The following HPSE2 variants were observed in gnomAD, a reference collection of about 807,000 sequenced individuals.
The protein encoded by HPSE2 is heparanase 2 (inactive).
In HPSE2, 38 loss-of-function variants were observed where a neutral mutation model predicts 60.5. That is an observed-to-expected ratio of 0.63 (90% CI 0.48 to 0.82). The LOEUF (loss-of-function observed/expected upper bound fraction) is 0.82, where lower values mean the gene tolerates loss of function less well. HPSE2 is among the 40% of genes least tolerant of loss of function. The probability of loss-of-function intolerance (pLI) is 0.00; values close to 1 mark genes in which losing one functional copy is unlikely to be tolerated. For synonymous variants in HPSE2, 295 were observed against 293.2 expected (o/e 1.01, Z -0.06); for missense variants, 713 against 740.4 (o/e 0.96, Z 0.43).
At chr10:99,314,375 C>A in the HPSE2 span, among the ~76,000 whole-genome samples, 1 of 151,966 alleles carries the variant, frequency 6.6e-6, no homozygotes, top group Non-Finnish European at 1.5e-5. Flanking sequence ...ATTGCCCAGG[C>A]TGGTCTTGAA....
intron 3 of HPSE2, among the ~76,000 whole-genome samples, chr10:98,919,562 T>C (rs1163807313): frequency 6.6e-6 from 1 of 152,052 alleles, no homozygotes; most frequent in Non-Finnish European, 1.5e-5. Context: ...AGTACAGGAA[T>C]AGAGAGAATG....
intron 3 of HPSE2, among the ~76,000 whole-genome samples, chr10:98,766,184 C>T (rs978269871): frequency 1.3e-5 from 2 of 152,022 alleles, no homozygotes; most frequent in Non-Finnish European, 1.5e-5. Flanking sequence ...GTCCATAAAA[C>T]AGAACAATGC....
At chr10:98,614,608 T>C (rs1945851231) in intron 9 of HPSE2, among the ~76,000 whole-genome samples, 1 of 152,078 alleles carries the variant, frequency 6.6e-6, no homozygotes. Context: ...GTTAAAACAA[T>C]AGTAATAAAT....
intron 5 of HPSE2, among the ~76,000 whole-genome samples, chr10:98,712,614 A>T (rs753479141): frequency 2.6e-5 from 4 of 152,148 alleles, no homozygotes; most frequent in Non-Finnish European, 4.4e-5. Context: ...TGCTTTATTG[A>T]ACATATAGCA....
intron 11 of HPSE2, among the ~76,000 whole-genome samples, chr10:98,462,524 T>A (rs1940340039): frequency 6.6e-6 from 1 of 152,220 alleles, no homozygotes; most frequent in Non-Finnish European, 1.5e-5. Context: ...GATGCACTTG[T>A]TGGTCCTTAT....
At chr10:99,093,816 A>G (rs1479293133) in intron 3 of HPSE2, among the ~76,000 whole-genome samples, 1 of 152,254 alleles carries the variant, frequency 6.6e-6, no homozygotes, top group Non-Finnish European at 1.5e-5. Flanking sequence ...ATGTAGAGAA[A>G]AAAACTGCCT....
At chr10:99,235,898 T>A, upstream of HPSE2, 1 of 995,456 alleles carries the variant, frequency 1.0e-6, no homozygotes, top group Non-Finnish European at 1.5e-6. Flanking sequence ...TTTTCCCCCC[T>A]TTTTTTCCCT....
At position 99,062,417 on chromosome 10, in the gene HPSE2, A is replaced by G. The variant is rs142282545; in HGVS notation, c.610+81821T>C. Among the ~76,000 whole-genome samples the G allele has an allele frequency of 7.9e-5, 12 of 152,340 alleles. No homozygotes were observed. In the East Asian group the frequency reaches 2.1e-3, roughly 27 times the overall value. ...GAATGAAAGGTACCATTCTTCCAAC[A>G]TTCTTCCAGTCATTCTTCTTATTCA... On this transcript the variant is annotated intron_variant, in intron 3 of 11. Transcript: ENST00000370552.
At chr10:98,629,473 T>G (rs138325916) in intron 7 of HPSE2, among the ~76,000 whole-genome samples, 345 of 152,332 alleles carry the variant, frequency 2.3e-3, no homozygotes, top group African/African-American at 7.2e-3. Flanking sequence ...GAGAGCTCTG[T>G]GCCCTTCCCA....
At chr10:98,553,797 C>T (rs866321112) in intron 9 of HPSE2, among the ~76,000 whole-genome samples, 1 of 152,300 alleles carries the variant, frequency 6.6e-6, no homozygotes, top group Middle Eastern at 3.4e-3. Flanking sequence ...TTTTGTTTCT[C>T]TCTTTTCTCT....
chr10:98,581,172 G>A (rs7916953), intron 9 of HPSE2, among the ~76,000 whole-genome samples: 85,573 of 151,544 alleles, frequency 0.56, 24,374 homozygotes, highest in Middle Eastern at 0.65. Flanking sequence ...CAAAGTGTTG[G>A]GAATACAGGT....
intron 3 of HPSE2, among the ~76,000 whole-genome samples, chr10:98,748,542 A>G (rs1949680426): frequency 6.6e-6 from 1 of 152,158 alleles, no homozygotes; most frequent in South Asian, 2.1e-4. Flanking sequence ...TCACAGGCAT[A>G]TAATTCTAAG....
intron 9 of HPSE2, among the ~76,000 whole-genome samples, chr10:98,566,316 T>C (rs1457293934): frequency 6.6e-5 from 10 of 152,188 alleles, no homozygotes; most frequent in Non-Finnish European, 1.5e-5. Flanking sequence ...TGCTAATGAC[T>C]TAACATGTGA....
chr10:99,131,270 A>G (rs1008756035), intron 3 of HPSE2, among the ~76,000 whole-genome samples: 3 of 152,218 alleles, frequency 2.0e-5, no homozygotes, highest in Non-Finnish European at 4.4e-5. Flanking sequence ...TATGGAAAAC[A>G]GTATGAAGAT....
At chr10:98,608,103 T>A (rs1038504733) in intron 9 of HPSE2, among the ~76,000 whole-genome samples, 1 of 152,238 alleles carries the variant, frequency 6.6e-6, no homozygotes, top group Non-Finnish European at 1.5e-5. Flanking sequence ...TATTTATTGA[T>A]GCTTATAAAT....
intron 6 of HPSE2, among the ~76,000 whole-genome samples, chr10:98,682,535 C>T (rs1162118983): frequency 3.9e-5 from 6 of 152,100 alleles, no homozygotes; most frequent in Non-Finnish European, 7.4e-5. Flanking sequence ...GTATTGGTTG[C>T]TTACCCTCAT....
chr10:98,746,689 T>A (rs2134338767), intron 3 of HPSE2, among the ~76,000 whole-genome samples: 1 of 152,118 alleles, frequency 6.6e-6, no homozygotes, highest in South Asian at 2.1e-4. Context: ...TATTTAGTTT[T>A]AAATAGGACT....
chr10:98,474,880 G>C (rs1940933986), intron 11 of HPSE2, among the ~76,000 whole-genome samples: 5 of 152,100 alleles, frequency 3.3e-5, no homozygotes, highest in Admixed American at 3.3e-4. Context: ...GCTCCTTTAG[G>C]AGATTCTTCT....
At position 98,677,090 on chromosome 10, in the gene HPSE2, T is replaced by C. The variant is rs535440462; in HGVS notation, c.1004+16810A>G. Among the ~76,000 whole-genome samples, 7 of 152,320 alleles carry C rather than the reference T, an allele frequency of 4.6e-5. No individual in the cohort carries two copies. The East Asian group carries it at 1.4e-3, about 29-fold the overall frequency. On this transcript the variant is annotated intron_variant, in intron 6 of 11. Coordinates refer to ENST00000370552, the MANE Select transcript of HPSE2 (RefSeq NM_021828.5). ...TCCACCAGGAGCACCTCTCCCTTTC[T>C]ACCATCTCTTTCAGAAGAAAGAAAA...
Sources: allele counts gnomAD v4.1 joint callset (sites outside exome capture counted in the v4.1 genomes callset), GRCh38; gene constraint gnomAD v4.1.1; transcripts MANE v1.5; gene names NCBI Gene and HGNC (gene_info 2026-07-23, HGNC 2026-07-21).